FBXL5: variants seen among roughly 807,000 people sequenced by gnomAD.
FBXL5 encodes F-box/LRR-repeat protein 5.
In FBXL5, 26 loss-of-function variants were observed where a neutral mutation model predicts 78.3. That is an observed-to-expected ratio of 0.33 (90% CI 0.24 to 0.46). The LOEUF is 0.46. Ranked by LOEUF, FBXL5 falls within the 20% of genes least tolerant of loss-of-function variation. The pLI, the probability that FBXL5 is intolerant of heterozygous loss-of-function variation, is 1.00. For missense variants in FBXL5, 710 were observed against 829.2 expected, an observed-to-expected ratio of 0.86 and a Z score of 1.77; for synonymous variants, 295 against 282.5, an observed-to-expected ratio of 1.04 and a Z score of -0.45.
At chr4:15,623,469 G>C (rs57736100) in intron 9 of FBXL5, among the ~76,000 whole-genome samples, 1 of 151,534 alleles carries the variant, frequency 6.6e-6, no homozygotes, top group African/African-American at 2.4e-5. Context: ...AAACTGAATA[G>C]AGCTATAAAT....
In FBXL5 at chr4:15,678,434, C is replaced by T. The variant is rs941127290; in HGVS notation, c.-284+2949G>A. 3.9e-5 allele frequency among the ~76,000 whole-genome samples: 6 copies of T among 152,258 alleles called. No homozygotes were observed. In the East Asian group the frequency reaches 9.7e-4, roughly 25 times the overall value. ...TATTCCCAAGTGGCATTGTAACGAC[C>T]ACTTGATTTTCCCCAAGTGAAGGCT... On this transcript the variant is annotated intron_variant, in intron 1 of 4. Transcript: ENST00000507899.
chr4:15,644,458 G>C (rs1279110835), intron 2 of FBXL5, 35 bp downstream of exon 2: 1 of 1,546,736 alleles, frequency 6.5e-7, no homozygotes. Context: ...GATGGCACAA[G>C]TTTTGACAGT....
upstream of FBXL5, chr4:15,655,546 A>G: frequency 4.7e-6 from 1 of 214,494 alleles, no homozygotes; most frequent in South Asian, 1.6e-4. Context: ...TGTCGTCTTC[A>G]TAAGCCGCAG....
chr4:15,608,004 C>G (rs976753459), intron 10 of FBXL5, among the ~76,000 whole-genome samples: 2 of 151,984 alleles, frequency 1.3e-5, no homozygotes, highest in African/African-American at 4.8e-5. Context: ...TAACGTATAA[C>G]AAAGGTAGTT....
chr4:15,634,270 G>A (rs971480764), intron 5 of FBXL5, among the ~76,000 whole-genome samples: 1 of 151,898 alleles, frequency 6.6e-6, no homozygotes, highest in East Asian at 1.9e-4. Context: ...CTGCAGCCTC[G>A]ACTTCCCATG....
At chr4:15,646,547 T>TTTC (rs1334009655) in intron 1 of FBXL5, among the ~76,000 whole-genome samples, 9 of 151,290 alleles carry the variant, frequency 5.9e-5, no homozygotes, top group Non-Finnish European at 1.3e-4. Context: ...AAATATTTTT[T>TTTC]ATTATTATTA....
chr4:15,619,563 GAA>G (rs1274430828), intron 9 of FBXL5, among the ~76,000 whole-genome samples: 2 of 140,806 alleles, frequency 1.4e-5, no homozygotes, highest in South Asian at 2.5e-4. Flanking sequence ...ATTCAGTGGT[GAA>G]AGATACAAGC....
At chr4:15,625,086 G>A (rs1712892295) in intron 9 of FBXL5, among the ~76,000 whole-genome samples, 166 bp downstream of exon 9, 1 of 152,162 alleles carries the variant, frequency 6.6e-6, no homozygotes, top group Admixed American at 6.5e-5. Flanking sequence ...ACTTCATACT[G>A]ATAACAGAAG....
intron 1 of FBXL5, among the ~76,000 whole-genome samples, chr4:15,652,969 TCTTCCTTTAATTC>T (rs1164313494): frequency 1.3e-4 from 20 of 152,340 alleles, no homozygotes; most frequent in African/African-American, 4.8e-4. Flanking sequence ...AACAAGGTAC[TCTTCCTTTAATTC>T]CTTTAAGATT....
At chr4:15,664,206 C>T (rs1353383985), upstream of FBXL5, among the ~76,000 whole-genome samples, 1 of 152,024 alleles carries the variant, frequency 6.6e-6, no homozygotes, top group Non-Finnish European at 1.5e-5. Flanking sequence ...ACACATAGTC[C>T]TCTCAAACAT....
At chr4:15,670,575 G>A (rs1040620103) in intron 1 of FBXL5, among the ~76,000 whole-genome samples, 2 of 152,048 alleles carry the variant, frequency 1.3e-5, no homozygotes, top group African/African-American at 2.4e-5. Context: ...TTTTAACTGG[G>A]ATGCATATAT....
intron 4 of FBXL5, 108 bp downstream of exon 4, chr4:15,638,400 G>T: frequency 1.5e-6 from 1 of 682,306 alleles, no homozygotes; most frequent in Non-Finnish European, 2.3e-6. Context: ...ACTGACCACA[G>T]TGCAGGCCTA....
intron 9 of FBXL5, among the ~76,000 whole-genome samples, chr4:15,622,686 G>C (rs1712607404): frequency 6.6e-6 from 1 of 152,152 alleles, no homozygotes; most frequent in African/African-American, 2.4e-5. Context: ...CTAGCAATTA[G>C]AACAGTGCAA....
intron 1 of FBXL5, among the ~76,000 whole-genome samples, chr4:15,646,592 AC>A (rs1304870671): frequency 6.6e-6 from 1 of 152,066 alleles, no homozygotes; most frequent in African/African-American, 2.4e-5. Context: ...CATGTGCACA[AC>A]GTGCAGGTTT....
intron 7 of FBXL5, 26 bp downstream of exon 7, chr4:15,627,859 C>T (rs752027931): frequency 6.3e-7 from 1 of 1,581,128 alleles, no homozygotes; most frequent in South Asian, 1.1e-5. Flanking sequence ...TTCTTAATAC[C>T]CAAACTAGTG....
At chr4:15,640,629 T>C (rs1577464651) in intron 3 of FBXL5, among the ~76,000 whole-genome samples, 159 bp downstream of exon 3, 1 of 152,146 alleles carries the variant, frequency 6.6e-6, no homozygotes, top group African/African-American at 2.4e-5. Context: ...ACAAACGTTT[T>C]TTTTTTCCCT....
At chr4:15,661,615 C>T (rs1455440819), upstream of FBXL5, among the ~76,000 whole-genome samples, 2 of 152,168 alleles carry the variant, frequency 1.3e-5, no homozygotes, top group Non-Finnish European at 2.9e-5. Context: ...ATAACAGTGC[C>T]TTAAGCAAGA....
At chr4:15,636,402 TCAGAG>T in intron 5 of FBXL5, 87 bp downstream of exon 5, 4 of 1,029,394 alleles carry the variant, frequency 3.9e-6, no homozygotes, top group Non-Finnish European at 5.2e-6. Context: ...GATTGACCTC[TCAGAG>T]TTTCTCTCTC....
At chr4:15,654,765 G>T (rs1241589813) in intron 1 of FBXL5, among the ~76,000 whole-genome samples, 1 of 152,192 alleles carries the variant, frequency 6.6e-6, no homozygotes, top group Non-Finnish European at 1.5e-5. Context: ...ACAGGCCCGG[G>T]GGAGTGACGG....
Sources: gnomAD v4.1 joint callset for allele counts (sites outside exome capture counted in the v4.1 genomes callset) on GRCh38, gnomAD v4.1.1 for gene constraint, MANE v1.5 for transcripts, NCBI Gene and HGNC (gene_info 2026-07-23, HGNC 2026-07-21) for gene names.